The following CFAP107 variants were observed in gnomAD, a reference collection of about 807,000 sequenced individuals.
CFAP107 encodes cilia and flagella associated protein 107, also known as cilia- and flagella-associated protein 107.
At chr1:12,756,610 C>A in the CFAP107 span, among the ~76,000 whole-genome samples, 1 of 152,172 alleles carries the variant, frequency 6.6e-6, no homozygotes, top group African/African-American at 2.4e-5. Flanking sequence ...CTTTTGCCAG[C>A]CTGCTGCTCT....
At chr1:12,760,902 A>C in the CFAP107 span, 1 of 1,614,008 alleles carries the variant, frequency 6.2e-7, no homozygotes, top group Non-Finnish European at 8.5e-7. Flanking sequence ...TGGAGGGAGC[A>C]TGCGGTCCCG....
chr1:12,753,874 A>C, the CFAP107 span: 1 of 152,212 alleles, frequency 6.6e-6, no homozygotes, highest in African/African-American at 2.4e-5. Flanking sequence ...AGACCAGCCT[A>C]GGCGACACAG....
chr1:12,757,966 G>A, the CFAP107 span, among the ~76,000 whole-genome samples: 5 of 152,008 alleles, frequency 3.3e-5, no homozygotes, highest in Admixed American at 3.3e-4. Context: ...TCACCCCAGG[G>A]CCAAGTAGTG....
chr1:12,753,903 T>TC, the CFAP107 span: 1 of 150,616 alleles, frequency 6.6e-6, no homozygotes, highest in Admixed American at 6.6e-5. Context: ...TATCTCTCTC[T>TC]TTTTTTTTAA....
the CFAP107 span, chr1:12,760,817 C>T: frequency 4.8e-5 from 77 of 1,614,060 alleles, no homozygotes; most frequent in Non-Finnish European, 6.4e-5. Flanking sequence ...GCAGAGACAG[C>T]TCACACCCAA....
the CFAP107 span, chr1:12,759,725 C>T: frequency 4.3e-5 from 25 of 585,422 alleles, no homozygotes; most frequent in African/African-American, 3.0e-4. Context: ...CCCATGGTGG[C>T]GGGCTTAGAG....
the CFAP107 span, among the ~76,000 whole-genome samples, chr1:12,750,319 G>A: frequency 1.3e-5 from 2 of 152,024 alleles, no homozygotes; most frequent in African/African-American, 4.8e-5. Context: ...CAAATAAGGG[G>A]CAAAAATCTA....
chr1:12,750,821 C>G, the CFAP107 span, among the ~76,000 whole-genome samples: 1 of 151,498 alleles, frequency 6.6e-6, no homozygotes, highest in African/African-American at 2.4e-5. Context: ...AGGCACTCCA[C>G]CCAACAAAGG....
the CFAP107 span, chr1:12,761,202 C>G: frequency 2.5e-6 from 1 of 397,882 alleles, no homozygotes; most frequent in Non-Finnish European, 4.5e-6. Flanking sequence ...AAGACAGATT[C>G]AGACTGTCAG....
chr1:12,755,742 AAAG>A, the CFAP107 span: 1 of 1,613,962 alleles, frequency 6.2e-7, no homozygotes, highest in Non-Finnish European at 8.5e-7. Context: ...CATTTACAGA[AAAG>A]AATACATCCC....
At chr1:12,759,234 C>A in the CFAP107 span, 1 of 1,524,916 alleles carries the variant, frequency 6.6e-7, no homozygotes, top group Non-Finnish European at 9.0e-7. Context: ...CTACATGTGG[C>A]AGCTCCTGTC....
chr1:12,748,413 T>G, the CFAP107 span, among the ~76,000 whole-genome samples: 2 of 151,992 alleles, frequency 1.3e-5, no homozygotes, highest in Admixed American at 6.6e-5. Flanking sequence ...GGTGAGACTT[T>G]TTTTTGGAAA....
chr1:12,752,231 A>G, the CFAP107 span, among the ~76,000 whole-genome samples: 1 of 152,166 alleles, frequency 6.6e-6, no homozygotes. Flanking sequence ...ACCCCCATTC[A>G]ATATTATATT....
the CFAP107 span, chr1:12,759,176 C>A: frequency 1.0e-6 from 1 of 979,046 alleles, no homozygotes; most frequent in South Asian, 1.5e-5. Flanking sequence ...TCTGAAGACC[C>A]TTTGCCAGCC....
chr1:12,749,016 A>T, the CFAP107 span, among the ~76,000 whole-genome samples: 9 of 152,224 alleles, frequency 5.9e-5, no homozygotes, highest in Admixed American at 1.3e-4. Context: ...ACAGAGCCTA[A>T]GGGACTTATG....
the CFAP107 span, chr1:12,762,067 G>A: frequency 6.6e-6 from 1 of 152,244 alleles, no homozygotes; most frequent in Non-Finnish European, 1.5e-5. Context: ...TTTTGTCAGT[G>A]ATTTTGTACT....
the CFAP107 span, chr1:12,761,055 C>G: frequency 1.7e-6 from 2 of 1,178,274 alleles, no homozygotes; most frequent in Non-Finnish European, 2.4e-6. Flanking sequence ...AGTACGAGAT[C>G]TGGCCCGTCA....
At chr1:12,755,199 G>A in the CFAP107 span, among the ~76,000 whole-genome samples, 14 of 152,314 alleles carry the variant, frequency 9.2e-5, no homozygotes, top group African/African-American at 2.9e-4. Flanking sequence ...AAGGTTGAGA[G>A]ATCGAGACCA....
At chr1:12,747,856 A>G in the CFAP107 span, among the ~76,000 whole-genome samples, 1 of 152,234 alleles carries the variant, frequency 6.6e-6, no homozygotes, top group African/African-American at 2.4e-5. Context: ...AGAAGATTGC[A>G]TAAAAATAGT....
Sources: allele counts gnomAD v4.1 joint callset (sites outside exome capture counted in the v4.1 genomes callset), GRCh38; gene constraint gnomAD v4.1.1; transcripts MANE v1.5; gene names NCBI Gene and HGNC (gene_info 2026-07-23, HGNC 2026-07-21).